The following SYN3 variants were observed in gnomAD, a reference collection of about 807,000 sequenced individuals.
The protein encoded by SYN3 is synapsin-3.
A neutral mutation model predicts 65.8 loss-of-function variants in SYN3; 35 were observed. That is an observed-to-expected ratio of 0.53 (90% confidence interval 0.41 to 0.70). The LOEUF (loss-of-function observed/expected upper bound fraction) is 0.70. SYN3 is among the 30% of genes least tolerant of loss of function. The probability of loss-of-function intolerance (pLI) is 0.00; values close to 1 mark genes in which losing one functional copy is unlikely to be tolerated. For synonymous variants in SYN3, 270 were observed against 292.9 expected (o/e 0.92, Z 0.80); for missense variants, 680 against 749.0 (o/e 0.91, Z 1.08).
At chr22:32,637,862 C>T (rs890674055) in intron 6 of SYN3, among the ~76,000 whole-genome samples, 8 of 152,146 alleles carry the variant, frequency 5.3e-5, no homozygotes, top group African/African-American at 1.7e-4. Flanking sequence ...TGGTCTCGAA[C>T]TCCCAACCTC....
intron 4 of SYN3, among the ~76,000 whole-genome samples, chr22:32,888,983 G>C (rs2049368723): frequency 6.6e-6 from 1 of 152,194 alleles, no homozygotes; most frequent in Non-Finnish European, 1.5e-5. Flanking sequence ...CCTCTAATCG[G>C]TCTCATCACT....
At chr22:32,866,284 C>T (rs1216341687) in intron 5 of SYN3, among the ~76,000 whole-genome samples, 1 of 152,192 alleles carries the variant, frequency 6.6e-6, no homozygotes, top group African/African-American at 2.4e-5. Context: ...GAACTTTCTG[C>T]ATCCACCCAA....
At chr22:32,644,134 A>AACTATTC (rs1361077427) in intron 6 of SYN3, among the ~76,000 whole-genome samples, 3 of 151,210 alleles carry the variant, frequency 2.0e-5, no homozygotes, top group African/African-American at 7.3e-5. Flanking sequence ...GGGAGAAAGG[A>AACTATTC]ACTATTCAGG....
At chr22:32,763,768 G>A (rs940813713) in intron 6 of SYN3, among the ~76,000 whole-genome samples, 1 of 152,142 alleles carries the variant, frequency 6.6e-6, no homozygotes, top group African/African-American at 2.4e-5. Flanking sequence ...TTCCCCAGGT[G>A]AGGAAAGGCC....
chr22:32,858,846 A>G (rs2048453106), intron 6 of SYN3, among the ~76,000 whole-genome samples: 2 of 152,066 alleles, frequency 1.3e-5, no homozygotes, highest in African/African-American at 4.8e-5. Context: ...CGATTCCCTA[A>G]AACAACTGAG....
At chr22:32,523,818 G>A (rs2057931038) in intron 12 of SYN3, among the ~76,000 whole-genome samples, 2 of 152,224 alleles carry the variant, frequency 1.3e-5, no homozygotes, top group Admixed American at 1.3e-4. Flanking sequence ...TCTTGCACCA[G>A]AAAGTTAGCT....
chr22:32,582,751 G>A (rs1222050952), intron 7 of SYN3, among the ~76,000 whole-genome samples: 1 of 152,074 alleles, frequency 6.6e-6, no homozygotes, highest in Non-Finnish European at 1.5e-5. Context: ...GGCACACTGA[G>A]CAGCAAGGCT....
chr22:32,546,451 G>A (rs527267168), intron 7 of SYN3, among the ~76,000 whole-genome samples: 2 of 152,256 alleles, frequency 1.3e-5, no homozygotes, highest in Admixed American at 6.5e-5. Context: ...TAGGTGCTAC[G>A]CTCTCTGAGG....
chr22:32,636,124 G>A (rs533342997), intron 6 of SYN3, among the ~76,000 whole-genome samples: 5 of 152,246 alleles, frequency 3.3e-5, no homozygotes, highest in South Asian at 2.1e-4. Flanking sequence ...AACCACGGCC[G>A]GGCGTGGTGG....
At chr22:32,977,823 A>G (rs2052251685) in intron 3 of SYN3, among the ~76,000 whole-genome samples, 1 of 151,544 alleles carries the variant, frequency 6.6e-6, no homozygotes, top group African/African-American at 2.4e-5. Flanking sequence ...TCTATCAGTT[A>G]TTCATCCTGC....
chr22:32,640,206 G>A (rs1313695930), intron 6 of SYN3, among the ~76,000 whole-genome samples: 1 of 152,002 alleles, frequency 6.6e-6, no homozygotes, highest in Admixed American at 6.6e-5. Flanking sequence ...AATCACGCTG[G>A]CTGCCTCCTC....
At chr22:33,005,246 A>T (rs1004104807) in intron 2 of SYN3, among the ~76,000 whole-genome samples, 3 of 152,146 alleles carry the variant, frequency 2.0e-5, no homozygotes, top group Non-Finnish European at 4.4e-5. Flanking sequence ...GGAGACATGC[A>T]CATGCGACCC....
rs145826816 is a variant in SYN3 at position 32,602,241 on chromosome 22, G to A, written c.712-5505C>T. On this transcript the variant is annotated intron_variant, in intron 6 of 13. Coordinates refer to ENST00000358763, the MANE Select transcript of SYN3 (RefSeq NM_003490.4). ...TTCCCCACTCCCCTTCTCCAGACCA[G>A]GTAACTAATCTCACCTCCCCAGTGT... 7.0e-3 allele frequency among the ~76,000 whole-genome samples: 1,072 copies of A among 152,196 alleles called. 10 individuals carry two copies. The highest frequency in any genetic ancestry group is 0.025 in the African/African-American group (1,024 of 41,530).
At chr22:33,008,422 A>G (rs1435469028) in intron 1 of SYN3, among the ~76,000 whole-genome samples, 2 of 152,196 alleles carry the variant, frequency 1.3e-5, no homozygotes, top group South Asian at 2.1e-4. Flanking sequence ...CTTCTGATGC[A>G]TGTCACCGTT....
chr22:32,643,563 G>GGGAGGGA (rs2059936859), intron 6 of SYN3, among the ~76,000 whole-genome samples: 1 of 112,364 alleles, frequency 8.9e-6, no homozygotes, highest in Non-Finnish European at 1.8e-5. Context: ...GGGGCGGGGG[G>GGGAGGGA]GGCAGAACAG....
chr22:32,978,324 C>T (rs1389499409), intron 3 of SYN3, among the ~76,000 whole-genome samples: 2 of 151,980 alleles, frequency 1.3e-5, no homozygotes, highest in African/African-American at 4.8e-5. Flanking sequence ...AGGGGCACAT[C>T]CGGGAGCCAG....
chr22:32,948,731 C>T (rs2051191801), intron 3 of SYN3, among the ~76,000 whole-genome samples: 2 of 32,102 alleles, frequency 6.2e-5, no homozygotes, highest in East Asian at 9.2e-4. Flanking sequence ...AGTGAGACTC[C>T]GTCTCAATAA....
chr22:32,523,881 A>G (rs2057931769), intron 12 of SYN3, among the ~76,000 whole-genome samples: 2 of 152,254 alleles, frequency 1.3e-5, no homozygotes, highest in South Asian at 4.1e-4. Flanking sequence ...GTGCCACTCC[A>G]GTGAACACAC....
chr22:32,527,191 C>T (rs958709901), intron 12 of SYN3, among the ~76,000 whole-genome samples: 11 of 152,268 alleles, frequency 7.2e-5, no homozygotes, highest in African/African-American at 2.6e-4. Flanking sequence ...AGCTGGTCGA[C>T]TCACAAATCT....
Sources: allele counts gnomAD v4.1 joint callset (sites outside exome capture counted in the v4.1 genomes callset), GRCh38; gene constraint gnomAD v4.1.1; transcripts MANE v1.5; gene names NCBI Gene and HGNC (gene_info 2026-07-23, HGNC 2026-07-21).